The following SLC20A2 variants were observed in gnomAD, a reference collection of about 807,000 sequenced individuals.
SLC20A2 encodes the protein sodium-dependent phosphate transporter 2.
In SLC20A2, 30 loss-of-function variants were observed where a neutral mutation model predicts 61.0. The ratio of observed to expected loss-of-function variants is 0.49; its 90% CI spans 0.37 to 0.67. SLC20A2 has a LOEUF of 0.67. SLC20A2 is among the 30% of genes least tolerant of loss of function. The pLI is 0.00. For synonymous variants in SLC20A2, 351 were observed against 353.3 expected (o/e 0.99, Z 0.07); for missense variants, 626 against 866.4 (o/e 0.72, Z 3.48).
Position 42,430,425 on chromosome 8 carries a change from T to C in SLC20A2, c.1524-176A>G, listed in dbSNP as rs58235100. Among the ~76,000 whole-genome samples, 2,238 of 151,874 alleles carry C rather than the reference T, an allele frequency of 0.015. 67 individuals carry two copies. Among genetic ancestry groups the C allele is most frequent in the African/African-American group, 0.052 (2,144 of 41,386 alleles). On this transcript the variant is annotated intron_variant, in intron 8 of 10. Coordinates refer to ENST00000520262, the MANE Select transcript of SLC20A2 (RefSeq NM_001257180.2). ...TTGCCCAGGCTTGAGTGCAGTGGTG[T>C]GATCTCGGCTCACTGCAACCTCCAC...
intron 7 of SLC20A2, among the ~76,000 whole-genome samples, chr8:42,438,629 G>T (rs1295472802): frequency 6.6e-6 from 1 of 152,164 alleles, no homozygotes; most frequent in Non-Finnish European, 1.5e-5. Context: ...CAGTCACCAG[G>T]GCAGGCTTTG....
intron 1 of SLC20A2, among the ~76,000 whole-genome samples, chr8:42,508,744 T>G (rs961346986): frequency 6.6e-6 from 1 of 151,632 alleles, no homozygotes; most frequent in Non-Finnish European, 1.5e-5. Flanking sequence ...GTAGCAGGAG[T>G]AGAAAGAACA....
chr8:42,514,430 C>T (rs1484282873), intron 1 of SLC20A2, among the ~76,000 whole-genome samples: 1 of 152,096 alleles, frequency 6.6e-6, no homozygotes, highest in Non-Finnish European at 1.5e-5. Flanking sequence ...TTTTGGGTTA[C>T]GGACTTGCAT....
chr8:42,460,623 T>C (rs1169904896), intron 4 of SLC20A2, among the ~76,000 whole-genome samples: 1 of 152,258 alleles, frequency 6.6e-6, no homozygotes, highest in Non-Finnish European at 1.5e-5. Context: ...AATAATTTAT[T>C]TGCCATTCGA....
Position 42,479,718 on chromosome 8 carries a change from G to A in SLC20A2, c.-264-7064C>T, listed in dbSNP as rs187177398. On this transcript the variant is annotated intron_variant, in intron 1 of 10. Transcript: ENST00000520262. The stretch of plus-strand genomic sequence containing the variant: ...TGTGCATCTGTAATCCCAGCCACTC[G>A]GGAGGCTGAGGCAGGAGCATCACTT... 2.0e-3 allele frequency among the ~76,000 whole-genome samples: 304 copies of A among 152,176 alleles called. 2 individuals carry two copies. Among genetic ancestry groups the A allele is most frequent in the Non-Finnish European group, 3.9e-3 (265 of 68,010 alleles).
intron 5 of SLC20A2, among the ~76,000 whole-genome samples, chr8:42,453,657 G>A (rs369203272): frequency 8.5e-5 from 13 of 152,264 alleles, no homozygotes; most frequent in African/African-American, 3.1e-4. Context: ...TCACTCACTG[G>A]ACATTCTAGA....
chr8:42,532,402 G>A (rs1812391523), intron 1 of SLC20A2, among the ~76,000 whole-genome samples: 1 of 152,084 alleles, frequency 6.6e-6, no homozygotes, highest in South Asian at 2.1e-4. Flanking sequence ...ATCTTTCAAG[G>A]GAGTGATAAA....
chr8:42,477,929 A>G (rs1808253880), intron 1 of SLC20A2, among the ~76,000 whole-genome samples: 1 of 151,608 alleles, frequency 6.6e-6, no homozygotes, highest in Admixed American at 6.6e-5. Context: ...CTCTGTTACC[A>G]GACTGAAGTG....
At chr8:42,532,948 G>A (rs1812433344) in intron 1 of SLC20A2, among the ~76,000 whole-genome samples, 1 of 152,158 alleles carries the variant, frequency 6.6e-6, no homozygotes, top group Admixed American at 6.5e-5. Flanking sequence ...CATGGAGAAG[G>A]GAGGGAGTAG....
intron 6 of SLC20A2, among the ~76,000 whole-genome samples, chr8:42,444,241 T>C (rs1447485562): frequency 1.3e-5 from 2 of 152,244 alleles, no homozygotes; most frequent in African/African-American, 4.8e-5. Flanking sequence ...AATTTCAGCA[T>C]AAACCTGGGA....
chr8:42,494,824 A>C (rs1398582722), intron 1 of SLC20A2, among the ~76,000 whole-genome samples: 1 of 152,090 alleles, frequency 6.6e-6, no homozygotes, highest in Non-Finnish European at 1.5e-5. Flanking sequence ...AATGAGACAA[A>C]GTTTATTCCA....
chr8:42,509,573 TA>T (rs59700739), intron 1 of SLC20A2, among the ~76,000 whole-genome samples: 1,739 of 148,504 alleles, frequency 0.012, 37 homozygotes, highest in African/African-American at 0.042. Flanking sequence ...TCTCTAAAAA[TA>T]AAAAAAAAAT....
chr8:42,440,935 G>A (rs6997015), intron 6 of SLC20A2, among the ~76,000 whole-genome samples: 5,175 of 152,138 alleles, frequency 0.034, 297 homozygotes, highest in African/African-American at 0.12. Flanking sequence ...CGAGTAGCTG[G>A]GACTACAGGT....
intron 1 of SLC20A2, among the ~76,000 whole-genome samples, chr8:42,500,102 T>C (rs1300931025): frequency 1.3e-5 from 2 of 152,246 alleles, no homozygotes; most frequent in Admixed American, 6.5e-5. Context: ...GCTCTAGAGA[T>C]GACAGGCATA....
In SLC20A2 at chr8:42,447,477, A is replaced by G. The variant is rs555341007; in HGVS notation, c.614-2715T>C. 1.6e-4 allele frequency among the ~76,000 whole-genome samples: 25 copies of G among 152,228 alleles called. No individual in the cohort carries two copies. In the South Asian group the frequency reaches 4.6e-3, roughly 28 times the overall value. The stretch of plus-strand genomic sequence containing the variant: ...CAGATCACAAGGTCAGGAGATGGAG[A>G]CCATCCTGGCTAACACGGTGAAACC... On this transcript the variant is annotated intron_variant, in intron 5 of 10. Transcript: ENST00000520262.
intron 1 of SLC20A2, among the ~76,000 whole-genome samples, chr8:42,530,027 C>G (rs559557405): frequency 1.4e-4 from 22 of 152,218 alleles, no homozygotes; most frequent in Non-Finnish European, 2.9e-4. Flanking sequence ...AGCTACAATC[C>G]TCATAACGCA....
At chr8:42,432,270 A>T (rs2130976980) in intron 8 of SLC20A2, among the ~76,000 whole-genome samples, 1 of 152,342 alleles carries the variant, frequency 6.6e-6, no homozygotes, top group Non-Finnish European at 1.5e-5. Flanking sequence ...GGGATTCAAA[A>T]CTTAAATGAA....
chr8:42,533,585 G>A (rs374957217), intron 1 of SLC20A2, among the ~76,000 whole-genome samples: 1 of 150,148 alleles, frequency 6.7e-6, no homozygotes. Flanking sequence ...CCGAGATTGC[G>A]TCGTCATCAC....
At chr8:42,492,098 T>G (rs372474142) in intron 1 of SLC20A2, among the ~76,000 whole-genome samples, 18 of 152,336 alleles carry the variant, frequency 1.2e-4, no homozygotes, top group African/African-American at 1.7e-4. Context: ...GGCTCACGTC[T>G]GTAATCCCAG....
Sources: gnomAD v4.1 joint callset for allele counts (sites outside exome capture counted in the v4.1 genomes callset) on GRCh38, gnomAD v4.1.1 for gene constraint, MANE v1.5 for transcripts, NCBI Gene and HGNC (gene_info 2026-07-23, HGNC 2026-07-21) for gene names.